Variants in BEND5 observed in about 807,000 individuals in gnomAD.
BEND5 encodes BEN domain-containing protein 5.
BEND5 carries 22 observed loss-of-function variants against 43.9 expected under a neutral mutation model. That is an observed-to-expected ratio of 0.50 (90% CI 0.36 to 0.72). BEND5 has a LOEUF of 0.72. BEND5 is among the 30% of genes least tolerant of loss of function. The pLI is 0.00. For missense variants in BEND5, 428 were observed against 550.6 expected, an observed-to-expected ratio of 0.78 and a Z score of 2.23; for synonymous variants, 228 against 225.9, an observed-to-expected ratio of 1.01 and a Z score of -0.08.
Position 48,742,777 on chromosome 1 carries a change from C to A in BEND5, c.746-6G>T. On this transcript the variant is annotated splice_polypyrimidine_tract_variant and splice_region_variant and intron_variant, in intron 3 of 5. Transcript: ENST00000371833. ...TTCCAGATCAATGGCGGGACCTAGG[C>A]AGTTAAGAAAAGAAATCTGTCTAGA... 6.4e-7 allele frequency: 1 copy of A among 1,561,288 alleles called. No individual in the cohort carries two copies. The highest frequency in any genetic ancestry group is 8.7e-7 in the Non-Finnish European group (1 of 1,150,414).
rs571467505 is a variant in BEND5, at chr1:48,749,367, C to T, written c.746-6596G>A. On this transcript the variant is annotated intron_variant, in intron 3 of 5. Transcript: ENST00000371833. ...AGCACCCAGCGCAATGTCCTCCATA[C>T]AGAACACTCACTAAACACGTGTTTA... 4.4e-4 allele frequency among the ~76,000 whole-genome samples: 67 copies of T among 152,276 alleles called. 2 individuals are homozygous for T. The South Asian group carries it at 0.014, about 31-fold the overall frequency.
At chr1:48,769,565 ACACAC>A (rs1450192488) in intron 1 of BEND5, among the ~76,000 whole-genome samples, 120 of 146,220 alleles carry the variant, frequency 8.2e-4, no homozygotes, top group African/African-American at 2.9e-3. Flanking sequence ...ACACACACAC[ACACAC>A]AAGTTAAATT....
Position 48,776,880 on chromosome 1 carries a change from G to A in BEND5, c.-49C>T, listed in dbSNP as rs1252587133. 2 of 1,327,756 alleles carry A rather than the reference G, an allele frequency of 1.5e-6. No homozygotes were observed. The highest frequency in any genetic ancestry group is 1.4e-5 in the South Asian group (1 of 69,346). 82.2% of individuals were successfully genotyped at this position (1,327,756 alleles called of 1,614,324 possible). On this transcript the variant is annotated 5_prime_UTR_variant, in exon 1 of 6. Transcript: ENST00000371833. ...GGTCGGGCAGCTCAGCCCGCGGGGC[G>A]GGCGCGGAGGTGGGGATCCGGCGGG...
At position 48,758,900 on chromosome 1, in the gene BEND5, C is replaced by T; in HGVS notation, c.745G>A (p.Gly249Ser). 1 of 1,511,040 alleles carries T rather than the reference C, an allele frequency of 6.6e-7. No individual in the cohort carries two copies. The highest frequency in any genetic ancestry group is 8.8e-7 in the Non-Finnish European group (1 of 1,133,550). The allele number at this position is 1,511,040 out of a possible 1,614,324, so 93.6% of individuals were successfully genotyped here. Residue 249 changes from glycine to serine, a missense_variant and splice_region_variant, in exon 3 of 6, where the codon GGT (glycine) becomes AGT (serine). By Grantham distance (56) the Gly-to-Ser change is moderately conservative. Coordinates refer to ENST00000371833, the MANE Select transcript of BEND5 (RefSeq NM_024603.4). ...QDVLLLRLGS[G>S]PAIDLEKVKS... ...GTAGGTGACCTGCTGGGGCACTCAC[C>T]GCTGCCAAGCCGCAGGAGCAGCACG... is the stretch of plus-strand genomic sequence containing the variant.
chr1:48,766,376 TACTG>T (rs1409339769), intron 1 of BEND5, among the ~76,000 whole-genome samples: 1 of 152,176 alleles, frequency 6.6e-6, no homozygotes, highest in Non-Finnish European at 1.5e-5. Flanking sequence ...CCAGAATAAA[TACTG>T]AATGAATGAG....
rs1428949343 is a variant in BEND5 at position 48,772,782 on chromosome 1, C to A, written c.226+3824G>T. Among the ~76,000 whole-genome samples, 4 of 152,304 alleles carry A rather than the reference C, an allele frequency of 2.6e-5. No individual in the cohort carries two copies. The East Asian group carries it at 7.7e-4, about 29-fold the overall frequency. ...TCAATAGTTTAGATAAGAGCTGATG[C>A]TGACCTGAATGCAGGCAGTGATGGT... On this transcript the variant is annotated intron_variant, in intron 1 of 5. Coordinates refer to ENST00000371833, the MANE Select transcript of BEND5 (RefSeq NM_024603.4).
intron 4 of BEND5, among the ~76,000 whole-genome samples, chr1:48,742,226 T>C (rs1390656949): frequency 2.0e-5 from 3 of 152,208 alleles, no homozygotes; most frequent in African/African-American, 7.2e-5. Flanking sequence ...ACTGAGTTGT[T>C]ATCTGTAAAT....
chr1:48,775,544 TCTC>T (rs774637005), intron 1 of BEND5, among the ~76,000 whole-genome samples: 8 of 152,146 alleles, frequency 5.3e-5, no homozygotes, highest in Non-Finnish European at 8.8e-5. Flanking sequence ...TAAGGTTCAT[TCTC>T]CTTACCAGCA....
At chr1:48,759,334 T>C in intron 2 of BEND5, 50 bp from the exon 3 acceptor site, 1 of 1,529,586 alleles carries the variant, frequency 6.5e-7, no homozygotes, top group Non-Finnish European at 8.8e-7. Context: ...TGGGATTTTC[T>C]TGGACTGCAG....
chr1:48,748,981 C>T (rs1378601477), intron 3 of BEND5, among the ~76,000 whole-genome samples: 1 of 151,994 alleles, frequency 6.6e-6, no homozygotes, highest in Non-Finnish European at 1.5e-5. Flanking sequence ...TGGGGCCATA[C>T]CCTCGGGGAA....
At chr1:48,751,510 G>A (rs1651726006) in intron 3 of BEND5, among the ~76,000 whole-genome samples, 1 of 152,166 alleles carries the variant, frequency 6.6e-6, no homozygotes. Context: ...TAATCTCTCT[G>A]AGCCTGTTTT....
intron 3 of BEND5, among the ~76,000 whole-genome samples, chr1:48,752,996 C>G (rs945248929): frequency 1.3e-5 from 2 of 152,206 alleles, no homozygotes; most frequent in African/African-American, 4.8e-5. Flanking sequence ...GATCCGCCTG[C>G]CTCGGCCTCC....
intron 3 of BEND5, among the ~76,000 whole-genome samples, chr1:48,744,677 A>G (rs1020878650): frequency 2.0e-5 from 3 of 152,184 alleles, no homozygotes; most frequent in African/African-American, 7.2e-5. Context: ...CCATCTCTAT[A>G]AAGGCCATCA....
intron 2 of BEND5, among the ~76,000 whole-genome samples, chr1:48,759,964 G>T (rs1180279757): frequency 6.6e-6 from 1 of 152,168 alleles, no homozygotes; most frequent in Non-Finnish European, 1.5e-5. Context: ...GCATTGAAAG[G>T]TACTTTCAGT....
At chr1:48,767,837 T>C (rs188312445) in intron 1 of BEND5, among the ~76,000 whole-genome samples, 2 of 152,298 alleles carry the variant, frequency 1.3e-5, no homozygotes, top group African/African-American at 4.8e-5. Flanking sequence ...CACCAAAGAT[T>C]TGGGCATTAT....
chr1:48,761,426 T>C lies in BEND5; in HGVS notation c.271A>G (p.Lys91Glu), dbSNP rs1053936054. The change falls in exon 2 of 6, where the codon AAA becomes GAA. Residue 91 changes from lysine to glutamate, a missense_variant. Transcript: ENST00000371833. ...LENSVMQKKI[K>E]IPKLSLNHVE... ...TGATTAAGAGAAAGCTTGGGGATTTTTATTTTCTTCTGCATCACACTGTTT... is the reference window on the plus strand; with the variant it reads ...TGATTAAGAGAAAGCTTGGGGATTTCTATTTTCTTCTGCATCACACTGTTT... 2.6e-6 allele frequency: 4 copies of C among 1,551,648 alleles called. No homozygotes were observed.
At chr1:48,745,209 G>T (rs1650554688) in intron 3 of BEND5, among the ~76,000 whole-genome samples, 1 of 152,190 alleles carries the variant, frequency 6.6e-6, no homozygotes. Context: ...AATGGGCTGG[G>T]AGAAAGATTC....
rs181668491 is a variant in BEND5, at chr1:48,736,890, C to T, written c.895-438G>A. On this transcript the variant is annotated intron_variant, in intron 4 of 5. Transcript: ENST00000371833. This position sits in a 1 kb window ranked among gnomAD's most constrained non-coding sequence, Gnocchi z 4.0. ...CTTTCTGTGTTACACTATGGAAAGA[C>T]CCACCTTCCTTTAATGTGAACATTC... Among the ~76,000 whole-genome samples, 205 of 152,272 alleles carry T rather than the reference C, an allele frequency of 1.3e-3. No individual in the cohort carries two copies. The highest frequency in any genetic ancestry group is 1.5e-3 in the Admixed American group (23 of 15,302).
At chr1:48,738,699 C>T (rs533236195) in intron 4 of BEND5, among the ~76,000 whole-genome samples, 47 of 152,246 alleles carry the variant, frequency 3.1e-4, no homozygotes, top group African/African-American at 1.1e-3. Context: ...GCTTTTTTCC[C>T]CCACCACTGA....
Sources: gnomAD v4.1 joint callset for allele counts (sites outside exome capture counted in the v4.1 genomes callset) on GRCh38, gnomAD v4.1.1 for gene constraint, Gnocchi (gnomAD v3.1) non-coding constraint, MANE v1.5 for transcripts, NCBI Gene and HGNC (gene_info 2026-07-23, HGNC 2026-07-21) for gene names.